PPARG: variants seen among roughly 807,000 people sequenced by gnomAD.
PPARG encodes the protein peroxisome proliferator activated receptor gamma.
A neutral mutation model predicts 39.2 loss-of-function variants in PPARG; 17 were observed. The ratio of observed to expected loss-of-function variants is 0.43; its 90% CI spans 0.30 to 0.65. The LOEUF is 0.65. Ranked by LOEUF, PPARG falls within the 30% of genes least tolerant of loss-of-function variation. The pLI is 0.13. For missense variants in PPARG, 406 were observed against 585.9 expected (o/e 0.69, Z 3.17); for synonymous variants, 223 against 215.7 (o/e 1.03, Z -0.30).
intron 3 of PPARG, 78 bp from the exon 4 acceptor site, chr3:12,381,244 A>T (rs2049641736): frequency 1.5e-6 from 2 of 1,341,642 alleles, no homozygotes; most frequent in Middle Eastern, 2.1e-4. Context: ...ATGAAGGTGT[A>T]CTATGGTGGC....
chr3:12,289,106 C>T lies in PPARG; in HGVS notation c.-111C>T, dbSNP rs2046584045. ...TGCTGGTGACCAGAAGCCTGCATTT[C>T]TGCATTCTGCTTAATTCCCTTTCCT... On this transcript the variant is annotated 5_prime_UTR_variant, in exon 1 of 8. Coordinates refer to ENST00000651735, the MANE Select transcript of PPARG (RefSeq NM_138711.6). 6.6e-6 allele frequency: 1 copy of T among 152,214 alleles called. No homozygotes were observed. The highest frequency in any genetic ancestry group is 1.5e-5 in the Non-Finnish European group (1 of 68,036). 9.4% of individuals were successfully genotyped at this position (152,214 alleles called of 1,614,324 possible). A position where few individuals can be genotyped will look rare whatever the true frequency, so the allele number is the denominator to read the frequency against.
intron 5 of PPARG, among the ~76,000 whole-genome samples, chr3:12,395,738 C>A (rs4135268): frequency 6.6e-6 from 1 of 152,160 alleles, no homozygotes; most frequent in Non-Finnish European, 1.5e-5. Flanking sequence ...AACAACCCAT[C>A]ATTTCTGGAC....
chr3:12,434,130 C>T lies in PPARG; in HGVS notation c.1413C>T (p.Tyr471=), dbSNP rs1207765586. Residue 471 remains tyrosine (Y), a synonymous_variant, in exon 8 of 8, where the codon TAC becomes TAT. Transcript: ENST00000651735. The surrounding 1 kb of genome is among the most constrained non-coding windows in gnomAD (Gnocchi z 4.2). ...TTCACCCGCTCCTGCAGGAGATCTA[C>T]AAGGACTTGTACTAGCAGAGAGTCC... is the stretch of plus-strand genomic sequence containing the variant. ...MSLHPLLQEI[Y]KDLY is the part of the protein sequence containing the mutation. The T allele has an allele frequency of 1.9e-6, 3 of 1,614,082 alleles. No individual in the cohort carries two copies. In the East Asian group the frequency reaches 6.7e-5, roughly 36 times the overall value.
At chr3:12,387,069 A>G (rs1405532226) in intron 4 of PPARG, among the ~76,000 whole-genome samples, 1 of 152,132 alleles carries the variant, frequency 6.6e-6, no homozygotes, top group African/African-American at 2.4e-5. Context: ...TTATGGCTGC[A>G]TAGTATTCTA....
chr3:12,310,226 GACAC>G (rs2047188715), intron 1 of PPARG, among the ~76,000 whole-genome samples: 1 of 152,066 alleles, frequency 6.6e-6, no homozygotes, highest in Non-Finnish European at 1.5e-5. Flanking sequence ...TGTTTGATCC[GACAC>G]TTGGGGCTAC....
intron 2 of PPARG, among the ~76,000 whole-genome samples, chr3:12,343,008 T>C (rs2048228264): frequency 6.6e-6 from 1 of 152,242 alleles, no homozygotes; most frequent in Non-Finnish European, 1.5e-5. Flanking sequence ...TCAGTATCTT[T>C]ACTAAAGAGA....
At chr3:12,420,653 G>T (rs1368646144) in intron 7 of PPARG, among the ~76,000 whole-genome samples, 1 of 152,194 alleles carries the variant, frequency 6.6e-6, no homozygotes, top group Non-Finnish European at 1.5e-5. Flanking sequence ...GGATTAATGG[G>T]GGTGTCCCTA....
chr3:12,406,167 A>G (rs1192668429), intron 6 of PPARG, 86 bp downstream of exon 6: 4 of 1,230,534 alleles, frequency 3.3e-6, no homozygotes, highest in East Asian at 2.5e-5. Context: ...TTACTGCGCT[A>G]CAAATGCACA....
chr3:12,407,027 CA>C (rs2050697203), intron 6 of PPARG, among the ~76,000 whole-genome samples: 1 of 152,140 alleles, frequency 6.6e-6, no homozygotes, highest in African/African-American at 2.4e-5. Flanking sequence ...TTCCAAGCAG[CA>C]GAGCTCTTCT....
At chr3:12,422,759 G>A (rs116033127) in intron 7 of PPARG, among the ~76,000 whole-genome samples, 1,744 of 152,028 alleles carry the variant, frequency 0.011, 38 homozygotes, top group African/African-American at 0.04. Flanking sequence ...GCATGCATGT[G>A]TAGTCCAAGC....
chr3:12,300,375 G>A (rs375989006), intron 1 of PPARG, among the ~76,000 whole-genome samples: 44 of 152,336 alleles, frequency 2.9e-4, no homozygotes, highest in Admixed American at 5.9e-4. Context: ...TGAACACAGC[G>A]CATTGCCATG....
At chr3:12,380,733 T>G (rs1418328038) in intron 3 of PPARG, among the ~76,000 whole-genome samples, 1 of 152,178 alleles carries the variant, frequency 6.6e-6, no homozygotes, top group Non-Finnish European at 1.5e-5. Context: ...TGAGCCCAAC[T>G]AGTAAAAGGT....
intron 2 of PPARG, among the ~76,000 whole-genome samples, chr3:12,320,753 G>A (rs760973575): frequency 3.9e-5 from 6 of 152,154 alleles, no homozygotes; most frequent in Admixed American, 2.0e-4. Flanking sequence ...GGTGGCGCCC[G>A]CCAGTAATCC....
At chr3:12,430,618 T>G (rs1397785982) in intron 7 of PPARG, among the ~76,000 whole-genome samples, 2 of 152,216 alleles carry the variant, frequency 1.3e-5, no homozygotes, top group Non-Finnish European at 2.9e-5. Flanking sequence ...CTTGGCACGA[T>G]CTTTGGAAAA....
chr3:12,371,877 A>C, intron 2 of PPARG: 1 of 700,114 alleles, frequency 1.4e-6, no homozygotes, highest in East Asian at 2.7e-5. Flanking sequence ...TTGTCTCTGG[A>C]TGTCGCTGTC....
At chr3:12,326,463 T>C (rs549937421) in intron 2 of PPARG, among the ~76,000 whole-genome samples, 201 of 152,348 alleles carry the variant, frequency 1.3e-3, no homozygotes, top group Non-Finnish European at 2.3e-3. Context: ...GAAAATTGAC[T>C]GCAAGAACAT....
At chr3:12,381,301 C>G in intron 3 of PPARG, 21 bp from the exon 4 acceptor site, 1 of 1,610,634 alleles carries the variant, frequency 6.2e-7, no homozygotes, top group African/African-American at 1.3e-5. Context: ...TAATTATCCT[C>G]TCACATGTCT....
intron 2 of PPARG, among the ~76,000 whole-genome samples, chr3:12,328,769 C>T (rs2047765366): frequency 6.6e-6 from 1 of 152,190 alleles, no homozygotes; most frequent in South Asian, 2.1e-4. Flanking sequence ...TGACTAACGC[C>T]TCAGCTTTCA....
At chr3:12,329,884 TATA>T (rs1298826742) in intron 2 of PPARG, among the ~76,000 whole-genome samples, 1 of 152,216 alleles carries the variant, frequency 6.6e-6, no homozygotes, top group Non-Finnish European at 1.5e-5. Flanking sequence ...AGTGGACTCA[TATA>T]ATATTTGTCC....
Sources: gnomAD v4.1 joint callset for allele counts (sites outside exome capture counted in the v4.1 genomes callset) on GRCh38, gnomAD v4.1.1 for gene constraint, Gnocchi (gnomAD v3.1) non-coding constraint, MANE v1.5 for transcripts, NCBI Gene and HGNC (gene_info 2026-07-23, HGNC 2026-07-21) for gene names.